The following PLAAT5 variants were observed in gnomAD, a reference collection of about 807,000 sequenced individuals.
The protein encoded by PLAAT5 is phospholipase A and acyltransferase 5, also known as Ca(2+)-independent N-acyltransferase.
In PLAAT5, 27 loss-of-function variants were observed where a neutral mutation model predicts 27.8. The observed-to-expected ratio is 0.97, with a 90% CI of 0.72 to 1.34. The LOEUF (loss-of-function observed/expected upper bound fraction) is 1.34. Ranked by LOEUF, PLAAT5 falls within the 40% of genes most tolerant of loss-of-function variation. The pLI is 0.00. For missense variants in PLAAT5, 368 were observed against 343.8 expected, an observed-to-expected ratio of 1.07 and a Z score of -0.56; for synonymous variants, 125 against 136.1, an observed-to-expected ratio of 0.92 and a Z score of 0.57.
chr11:63,480,557 G>A (rs2016259406), intron 3 of PLAAT5, among the ~76,000 whole-genome samples: 1 of 152,170 alleles, frequency 6.6e-6, no homozygotes, highest in South Asian at 2.1e-4. Flanking sequence ...TCCTCCCACT[G>A]TAAATCGATT....
At chr11:63,482,961 A>G (rs2120315302) in intron 3 of PLAAT5, among the ~76,000 whole-genome samples, 1 of 152,350 alleles carries the variant, frequency 6.6e-6, no homozygotes, top group South Asian at 2.1e-4. Context: ...AGCTATTCTT[A>G]TATAAGACAA....
At chr11:63,488,822 T>G in intron 3 of PLAAT5, 49 bp downstream of exon 3, 1 of 1,268,968 alleles carries the variant, frequency 7.9e-7, no homozygotes, top group South Asian at 1.2e-5. Context: ...TGTAGAGAAG[T>G]TGCCAGGAGG....
intron 3 of PLAAT5, chr11:63,470,428 A>G (rs1265764873): frequency 6.3e-6 from 1 of 159,782 alleles, no homozygotes; most frequent in Non-Finnish European, 1.5e-5. Flanking sequence ...GAGAAACCCT[A>G]TGATTGAATA....
intron 3 of PLAAT5, among the ~76,000 whole-genome samples, chr11:63,485,140 A>T (rs1353644857): frequency 6.6e-6 from 1 of 151,614 alleles, no homozygotes; most frequent in Non-Finnish European, 1.5e-5. Context: ...ATCACAGATG[A>T]CACAAACAAA....
intron 2 of PLAAT5, among the ~76,000 whole-genome samples, chr11:63,489,256 T>A (rs1273993212): frequency 6.6e-6 from 1 of 152,246 alleles, no homozygotes; most frequent in Non-Finnish European, 1.5e-5. Context: ...TTTATCAAAG[T>A]GATACTTGCA....
At chr11:63,486,785 C>T (rs1386783795) in intron 3 of PLAAT5, among the ~76,000 whole-genome samples, 1 of 152,126 alleles carries the variant, frequency 6.6e-6, no homozygotes, top group Non-Finnish European at 1.5e-5. Flanking sequence ...AACCAAACAC[C>T]ACCTGTTCCC....
rs2120194451 is a variant in PLAAT5 at position 63,463,473 on chromosome 11, C to CTGGAGTG, written c.*29_*30insCACTCCA. Reference sequence around the variant, plus strand: ...ATGTTCTTTTTGCTTGTGTCAGTAACTCTTCCTCTAGCTGGAGTTTTCATC... The same window carrying CTGGAGTG: ...ATGTTCTTTTTGCTTGTGTCAGTAACTGGAGTGTCTTCCTCTAGCTGGAGTTTTCATC... On this transcript the variant is annotated 3_prime_UTR_variant, in exon 6 of 6. Transcript: ENST00000540857. The CTGGAGTG allele has an allele frequency of 6.5e-7, 1 of 1,538,878 alleles. No homozygotes were observed. Among genetic ancestry groups the CTGGAGTG allele is most frequent in the Non-Finnish European group, 9.0e-7 (1 of 1,112,962 alleles).
intron 3 of PLAAT5, among the ~76,000 whole-genome samples, chr11:63,485,623 C>T (rs1372322331): frequency 6.6e-6 from 1 of 152,168 alleles, no homozygotes; most frequent in African/African-American, 2.4e-5. Context: ...CAAAAATCAA[C>T]TCAAGATGCA....
At chr11:63,472,221 GA>G (rs1283058471) in intron 3 of PLAAT5, among the ~76,000 whole-genome samples, 2 of 151,856 alleles carry the variant, frequency 1.3e-5, no homozygotes, top group South Asian at 2.1e-4. Context: ...AAAAAGGAAA[GA>G]AAAAAACAGC....
At chr11:63,490,676 C>A (rs1018468755) in intron 1 of PLAAT5, 2 of 622,674 alleles carry the variant, frequency 3.2e-6, no homozygotes, top group South Asian at 4.0e-5. Context: ...TGCCTCACTT[C>A]CATATGAGAT....
At chr11:63,480,253 G>A (rs2016252834) in intron 3 of PLAAT5, among the ~76,000 whole-genome samples, 1 of 152,120 alleles carries the variant, frequency 6.6e-6, no homozygotes, top group South Asian at 2.1e-4. Flanking sequence ...GTTGTTTCCT[G>A]GAAAACTGAC....
chr11:63,484,296 GC>G (rs1337825482), intron 3 of PLAAT5, among the ~76,000 whole-genome samples: 1 of 150,384 alleles, frequency 6.6e-6, no homozygotes, highest in Non-Finnish European at 1.5e-5. Flanking sequence ...CTTATATAAA[GC>G]CAGCATCACC....
rs2015750020 is a variant in PLAAT5 at position 63,462,714 on chromosome 11, C to T, written c.*789G>A. On this transcript the variant is annotated 3_prime_UTR_variant, in exon 6 of 6. Transcript: ENST00000540857. ...CATCCTGTCAACTTTCTTCAAAACA[C>T]AAAAATAACTCCTTTCTCTCCCTCA... 1 of 152,108 alleles carries T rather than the reference C, an allele frequency of 6.6e-6. No homozygotes were observed. The highest frequency in any genetic ancestry group is 2.4e-5 in the African/African-American group (1 of 41,440). 9.4% of individuals were successfully genotyped at this position (152,108 alleles called of 1,614,324 possible). A position where few individuals can be genotyped will look rare whatever the true frequency, so the allele number is the denominator to read the frequency against.
In PLAAT5 at chr11:63,468,410, T is replaced by G; in HGVS notation, c.401A>C (p.Glu134Ala). 2.5e-6 allele frequency: 4 copies of G among 1,614,182 alleles called. No individual in the cohort carries two copies. In the South Asian group the frequency reaches 4.4e-5, roughly 18 times the overall value. ...DLIEIFRIGY[E>A]HWAIYVEDDC... Reference sequence around the variant, plus strand: ...ATCTTCTACATAGATGGCCCAGTGCTCATAGCCAATTCGAAAAATCTCAAT... The same window carrying G: ...ATCTTCTACATAGATGGCCCAGTGCGCATAGCCAATTCGAAAAATCTCAAT... Residue 134 changes from glutamate (E) to alanine (A), a missense_variant, in exon 4 of 6, where the codon GAG (glutamate) becomes GCG (alanine). Transcript: ENST00000540857.
intron 5 of PLAAT5, among the ~76,000 whole-genome samples, chr11:63,464,795 C>T: frequency 6.6e-6 from 1 of 152,182 alleles, no homozygotes; most frequent in East Asian, 1.9e-4. Flanking sequence ...CACTGAACTA[C>T]ATGAATTTAT....
intron 3 of PLAAT5, among the ~76,000 whole-genome samples, chr11:63,484,240 T>C (rs2016382350): frequency 6.6e-6 from 1 of 150,946 alleles, no homozygotes; most frequent in Non-Finnish European, 1.5e-5. Flanking sequence ...TCAATCTTAC[T>C]GAAACTATTC....
intron 3 of PLAAT5, among the ~76,000 whole-genome samples, chr11:63,478,750 A>T (rs957803113): frequency 1.3e-5 from 2 of 152,168 alleles, no homozygotes; most frequent in Non-Finnish European, 2.9e-5. Flanking sequence ...TGAGATCTGC[A>T]CTCAGCCATT....
At chr11:63,474,152 A>G (rs1171787044) in intron 3 of PLAAT5, among the ~76,000 whole-genome samples, 1 of 152,144 alleles carries the variant, frequency 6.6e-6, no homozygotes, top group East Asian at 1.9e-4. Flanking sequence ...TCATAGAGAT[A>G]TTAGTCTTGT....
chr11:63,463,485 C>G lies in PLAAT5; in HGVS notation c.*18G>C. 2 of 1,586,270 alleles carry G rather than the reference C, an allele frequency of 1.3e-6. No individual in the cohort carries two copies. Among genetic ancestry groups the G allele is most frequent in the South Asian group, 1.1e-5 (1 of 90,496 alleles). On this transcript the variant is annotated 3_prime_UTR_variant, in exon 6 of 6. Coordinates refer to ENST00000540857, the MANE Select transcript of PLAAT5 (RefSeq NM_001146729.2). ...CTTGTGTCAGTAACTCTTCCTCTAG[C>G]TGGAGTTTTCATCACCTTCAGGCAG...
Sources: allele counts gnomAD v4.1 joint callset (sites outside exome capture counted in the v4.1 genomes callset), GRCh38; gene constraint gnomAD v4.1.1; transcripts MANE v1.5; gene names NCBI Gene and HGNC (gene_info 2026-07-23, HGNC 2026-07-21).